The following FRAS1 variants were observed in gnomAD, a reference collection of about 807,000 sequenced individuals.
FRAS1 encodes the protein extracellular matrix organizing protein FRAS1.
Under a neutral mutation model 435.2 loss-of-function variants are expected in FRAS1, and 290 were observed. That is an observed-to-expected ratio of 0.67 (90% confidence interval 0.61 to 0.73). FRAS1 has a LOEUF of 0.73. Ranked by LOEUF, FRAS1 falls within the 30% of genes least tolerant of loss-of-function variation. FRAS1 has a pLI of 0.00. For missense variants in FRAS1, 4,860 were observed against 5,001.5 expected, an observed-to-expected ratio of 0.97 and a Z score of 0.85; for synonymous variants, 1,800 against 1,851.0, an observed-to-expected ratio of 0.97 and a Z score of 0.71.
At position 78,423,589 on chromosome 4, in the gene FRAS1, G is replaced by T. The variant is rs116494086; in HGVS notation, c.4679-799G>T. ...TTATGGTGAGTTGAACATGGTTTAA[G>T]TAATTTTAGACTTTTTTGATTATGG... On this transcript the variant is annotated intron_variant, in intron 34 of 73. Coordinates refer to ENST00000512123, the MANE Select transcript of FRAS1 (RefSeq NM_025074.7). Among the ~76,000 whole-genome samples, 1,268 of 152,304 alleles carry T rather than the reference G, an allele frequency of 8.3e-3. 16 individuals are homozygous for T. Among genetic ancestry groups the T allele is most frequent in the African/African-American group, 0.03 (1,227 of 41,556 alleles).
intron 40 of FRAS1, among the ~76,000 whole-genome samples, chr4:78,439,879 A>G (rs905045430): frequency 3.9e-5 from 6 of 152,150 alleles, no homozygotes; most frequent in African/African-American, 1.4e-4. Flanking sequence ...CCCCTAGTGC[A>G]GTACCCAGTT....
intron 2 of FRAS1, among the ~76,000 whole-genome samples, chr4:78,069,498 A>G (rs1740228448): frequency 6.6e-6 from 1 of 152,172 alleles, no homozygotes; most frequent in African/African-American, 2.4e-5. Context: ...GCGGTCAGAC[A>G]CACCTGGTTT....
chr4:78,080,325 A>C (rs1740837320), intron 2 of FRAS1, among the ~76,000 whole-genome samples: 1 of 152,164 alleles, frequency 6.6e-6, no homozygotes, highest in Non-Finnish European at 1.5e-5. Context: ...GGTATTCAGA[A>C]GTGTCCATTA....
rs771534958 is a variant in FRAS1 at position 78,448,240 on chromosome 4, G to A, written c.6198G>A (p.Arg2066=). The A allele has an allele frequency of 6.9e-7, 1 of 1,459,518 alleles. No homozygotes were observed. The highest frequency in any genetic ancestry group is 1.4e-5 in the South Asian group (1 of 69,490). The allele number at this position is 1,459,518 out of a possible 1,614,324, so 90.4% of individuals were successfully genotyped here. A position where few individuals can be genotyped will look rare whatever the true frequency, so the allele number is the denominator to read the frequency against. Residue 2066 remains arginine (R), a synonymous_variant, in exon 44 of 74, where the codon AGG becomes AGA. Coordinates refer to ENST00000512123, the MANE Select transcript of FRAS1 (RefSeq NM_025074.7). The part of the protein sequence containing the change: ...LTDGLHVDTG[R]MKIYTELPAS... ...ATGGCCTCCACGTGGACACAGGGAG[G>A]ATGAAGATCTACACAGAACTGCCTG...
At chr4:78,373,491 G>A (rs1055415595) in intron 24 of FRAS1, among the ~76,000 whole-genome samples, 6 of 141,466 alleles carry the variant, frequency 4.2e-5, no homozygotes, top group African/African-American at 1.5e-4. Flanking sequence ...AATAATAGTT[G>A]CTTAGGCCAG....
At chr4:78,232,988 T>C (rs1459604310) in intron 2 of FRAS1, among the ~76,000 whole-genome samples, 2 of 152,192 alleles carry the variant, frequency 1.3e-5, no homozygotes, top group Admixed American at 1.3e-4. Context: ...AGAAAAACTA[T>C]GGTTTTGTGA....
intron 18 of FRAS1, among the ~76,000 whole-genome samples, chr4:78,321,814 AGCCTGG>A (rs1560653791): frequency 5.4e-5 from 8 of 148,134 alleles, no homozygotes; most frequent in African/African-American, 1.5e-4. Context: ...ATTGCTCTCC[AGCCTGG>A]AGTTAACAAA....
rs140682708 is a variant in FRAS1 at position 78,340,482 on chromosome 4, A to G, written c.2422+2665A>G. On this transcript the variant is annotated intron_variant, in intron 20 of 73. Coordinates refer to ENST00000512123, the MANE Select transcript of FRAS1 (RefSeq NM_025074.7). ...CTCTACTTTTCTCTGTAGCATTGCA[A>G]TGCATTCACTCATGTACAGATTCAT... Among the ~76,000 whole-genome samples, 105 of 152,326 alleles carry G rather than the reference A, an allele frequency of 6.9e-4. 1 individual carries two copies. In the Middle Eastern group the frequency reaches 0.027, roughly 39 times the overall value.
intron 2 of FRAS1, among the ~76,000 whole-genome samples, chr4:78,081,220 G>A (rs1001154527): frequency 2.6e-5 from 4 of 152,204 alleles, no homozygotes; most frequent in Admixed American, 1.3e-4. Flanking sequence ...TATTGGCCTC[G>A]TGGAAATCTA....
intron 41 of FRAS1, among the ~76,000 whole-genome samples, chr4:78,443,713 T>C (rs993117404): frequency 6.6e-6 from 1 of 152,228 alleles, no homozygotes; most frequent in African/African-American, 2.4e-5. Context: ...AAATAGAAGG[T>C]AATGTTTTTT....
intron 28 of FRAS1, among the ~76,000 whole-genome samples, chr4:78,386,999 G>A (rs1732241152): frequency 6.6e-6 from 1 of 152,104 alleles, no homozygotes; most frequent in African/African-American, 2.4e-5. Flanking sequence ...ACCACAACAT[G>A]GCCTGGAGTG....
At chr4:78,070,869 A>G (rs1740310854) in intron 2 of FRAS1, 1 of 152,182 alleles carries the variant, frequency 6.6e-6, no homozygotes, top group Admixed American at 6.5e-5. Context: ...TGAACTATTT[A>G]CTTCTCAGGA....
intron 23 of FRAS1, among the ~76,000 whole-genome samples, chr4:78,370,198 T>A (rs1230356300): frequency 6.6e-6 from 1 of 152,208 alleles, no homozygotes; most frequent in Non-Finnish European, 1.5e-5. Flanking sequence ...TTGTGTCAGA[T>A]GTTGTGCCAC....
In FRAS1 at chr4:78,318,917, A is replaced by G; in HGVS notation, c.2068A>G (p.Ile690Val). 2 of 1,614,004 alleles carry G rather than the reference A, an allele frequency of 1.2e-6. No homozygotes were observed. The highest frequency in any genetic ancestry group is 1.7e-6 in the Non-Finnish European group (2 of 1,179,886). The change falls in exon 18 of 74, where the codon ATC becomes GTC. Residue 690 changes from isoleucine (I) to valine (V), a missense_variant. Transcript: ENST00000512123. ...AGTGGAGCAGCTGTCTGACGTGGGC[A>G]TCCCCTCTGGCGAGTGTCTAGCCCA... Reference protein sequence around the residue: ...LQVEQLSDVGIPSGECLAQCR... With the variant: ...LQVEQLSDVGVPSGECLAQCR...
At chr4:78,466,801 A>G (rs7685702) in intron 50 of FRAS1, among the ~76,000 whole-genome samples, 4,860 of 152,184 alleles carry the variant, frequency 0.032, 272 homozygotes, top group African/African-American at 0.11. Flanking sequence ...ATAATATTGT[A>G]TATCTCTAGA....
intron 2 of FRAS1, among the ~76,000 whole-genome samples, chr4:78,190,634 C>T (rs71611004): frequency 1.4e-5 from 2 of 145,658 alleles, no homozygotes; most frequent in African/African-American, 5.1e-5. Flanking sequence ...CCCTTCCATT[C>T]CCTTCCCTTC....
At chr4:78,459,967 G>T (rs1719318606) in intron 47 of FRAS1, among the ~76,000 whole-genome samples, 1 of 152,192 alleles carries the variant, frequency 6.6e-6, no homozygotes, top group Non-Finnish European at 1.5e-5. Context: ...TTCCAGATAA[G>T]TTACATTCTG....
At chr4:78,219,691 T>C (rs1723964552) in intron 2 of FRAS1, among the ~76,000 whole-genome samples, 1 of 152,226 alleles carries the variant, frequency 6.6e-6, no homozygotes. Context: ...CTCCAGAGTT[T>C]ACTTAAGATG....
chr4:78,259,973 C>T (rs1725999237), intron 6 of FRAS1, among the ~76,000 whole-genome samples: 1 of 152,106 alleles, frequency 6.6e-6, no homozygotes. Flanking sequence ...GAATCCTTTC[C>T]CCATTGCTTG....
Sources: gnomAD v4.1 joint callset for allele counts (sites outside exome capture counted in the v4.1 genomes callset) on GRCh38, gnomAD v4.1.1 for gene constraint, MANE v1.5 for transcripts, NCBI Gene and HGNC (gene_info 2026-07-23, HGNC 2026-07-21) for gene names.